The following KIF4A variants were observed in gnomAD, a reference collection of about 807,000 sequenced individuals.
KIF4A encodes kinesin family member 4A.
A neutral mutation model predicts 105.9 loss-of-function variants in KIF4A; 7 were observed. The observed-to-expected ratio is 0.07, with a 90% CI of 0.04 to 0.12. The LOEUF (loss-of-function observed/expected upper bound fraction) is 0.12, where lower values mean the gene tolerates loss of function less well. Among genes scored for constraint, KIF4A ranks in the 10% least tolerant of loss-of-function variants. The pLI, the probability that KIF4A is intolerant of heterozygous loss-of-function variation, is 1.00. For synonymous variants in KIF4A, 281 were observed against 331.3 expected, an observed-to-expected ratio of 0.85 and a Z score of 1.65; for missense variants, 558 against 929.2, an observed-to-expected ratio of 0.60 and a Z score of 5.19.
At chrX:70,365,003 C>A (rs1416924405) in intron 15 of KIF4A, among the ~76,000 whole-genome samples, 3 of 110,854 alleles carry the variant, frequency 2.7e-5, no homozygotes, top group Non-Finnish European at 3.8e-5. Context: ...TCTTTGAAGC[C>A]ATTGTGAATG....
rs2086324049 is a variant in KIF4A, at chrX:70,411,975, G to GAT, written c.3255+4902_3255+4903dup. ...ATGCTGGTGGGTTGCCAGCAGTTGTGATACACACACACACACACACACACA... is the reference window on the plus strand; with the variant it reads ...ATGCTGGTGGGTTGCCAGCAGTTGTGATATACACACACACACACACACACACA... On this transcript the variant is annotated intron_variant, in intron 28 of 30. Coordinates refer to ENST00000374403, the MANE Select transcript of KIF4A (RefSeq NM_012310.5). Among the ~76,000 whole-genome samples, 5 of 109,813 alleles carry GAT rather than the reference G, an allele frequency of 4.6e-5. No individual in the cohort carries two copies. The Admixed American group carries it at 4.9e-4, about 11-fold the overall frequency.
At chrX:70,367,566 T>G (rs1223351404) in intron 15 of KIF4A, among the ~76,000 whole-genome samples, 1 of 112,086 alleles carries the variant, frequency 8.9e-6, no homozygotes, top group Non-Finnish European at 1.9e-5. Context: ...TTTAAGAATG[T>G]TGAATATTGG....
chrX:70,290,842 T>A (rs762812576), intron 3 of KIF4A, 37 bp downstream of exon 3: 2 of 944,181 alleles, frequency 2.1e-6, no homozygotes, highest in South Asian at 4.0e-5. Flanking sequence ...AACATATATA[T>A]TCCTTGAGCA....
At chrX:70,411,162 C>T (rs141954209) in intron 28 of KIF4A, among the ~76,000 whole-genome samples, 3 of 111,458 alleles carry the variant, frequency 2.7e-5, no homozygotes, top group East Asian at 2.8e-4. Context: ...CACGGTGGCT[C>T]ATACCTGTAA....
chrX:70,340,358 G>A (rs2085967706), intron 10 of KIF4A, among the ~76,000 whole-genome samples: 1 of 111,805 alleles, frequency 8.9e-6, no homozygotes, highest in Non-Finnish European at 1.9e-5. Context: ...TTACAATGAA[G>A]AACCTACTTC....
chrX:70,368,677 G>A (rs1379406534), intron 15 of KIF4A, among the ~76,000 whole-genome samples: 2 of 112,199 alleles, frequency 1.8e-5, no homozygotes, highest in Non-Finnish European at 3.8e-5. Flanking sequence ...GTGCCTCCCA[G>A]TTAGGCTACT....
At chrX:70,306,557 G>A (rs751108429) in intron 7 of KIF4A, among the ~76,000 whole-genome samples, 59 of 109,217 alleles carry the variant, frequency 5.4e-4, no homozygotes, top group African/African-American at 1.9e-3. Context: ...TTTATTTTTT[G>A]AGACAATCTC....
intron 15 of KIF4A, chrX:70,361,673 C>G (rs1450786555): frequency 6.6e-6 from 1 of 151,074 alleles, no homozygotes; most frequent in Non-Finnish European, 1.4e-5. Flanking sequence ...AAGACAAGGA[C>G]TGCTGGGACA....
At position 70,299,178 on chromosome X, in the gene KIF4A, A is replaced by G; in HGVS notation, c.492A>G (p.Arg164=). The G allele has an allele frequency of 1.7e-6, 2 of 1,205,701 alleles. No homozygotes were observed. Among genetic ancestry groups the G allele is most frequent in the Non-Finnish European group, 2.2e-6 (2 of 892,362 alleles). ...PSREKAQINI[R]EDPKEGIKIV... ...GTGAGAAAGCTCAAATAAATATACG[A>G]GAGGATCCTAAGGAAGGCATAAAGG... is the stretch of plus-strand genomic sequence containing the variant. The change falls in exon 5 of 31, where the codon CGA becomes CGG. Residue 164 remains arginine (R), a synonymous_variant. Transcript: ENST00000374403.
intron 9 of KIF4A, among the ~76,000 whole-genome samples, chrX:70,333,089 C>T (rs1206108413): frequency 9.1e-6 from 1 of 110,310 alleles, no homozygotes; most frequent in Non-Finnish European, 1.9e-5. Context: ...GTGTAAGCCC[C>T]GCACTTTGGG....
intron 15 of KIF4A, among the ~76,000 whole-genome samples, chrX:70,370,291 C>T (rs1281833745): frequency 9.1e-6 from 1 of 110,399 alleles, no homozygotes; most frequent in Non-Finnish European, 1.9e-5. Context: ...GGAAGGTATG[C>T]ATCAAGCTGA....
chrX:70,419,915 A>G (rs1201519060), intron 30 of KIF4A, 132 bp downstream of exon 30: 6 of 1,022,868 alleles, frequency 5.9e-6, no homozygotes, highest in African/African-American at 1.9e-5. Context: ...GGGATCGGGC[A>G]TAGACTCTAG....
At chrX:70,309,763 G>T (rs1441896387) in intron 7 of KIF4A, among the ~76,000 whole-genome samples, 4 of 112,411 alleles carry the variant, frequency 3.6e-5, no homozygotes, top group Non-Finnish European at 7.5e-5. Context: ...TATACAATTG[G>T]CCTGGCACAG....
Position 70,345,754 on chromosome X carries a change from C to T in KIF4A, c.1431+1772C>T, listed in dbSNP as rs747800195. Among the ~76,000 whole-genome samples the T allele has an allele frequency of 4.5e-5, 5 of 111,397 alleles. No homozygotes were observed. In the South Asian group the frequency reaches 1.2e-3, roughly 26 times the overall value. The stretch of plus-strand genomic sequence containing the variant: ...TATTTTGAGAGTTGTTCTTACAAGC[C>T]TTGTAGTTTCTCAGTTGGTCAAGGT... On this transcript the variant is annotated intron_variant, in intron 13 of 30. Transcript: ENST00000374403.
chrX:70,311,609 C>T (rs1352250225), intron 7 of KIF4A, among the ~76,000 whole-genome samples: 2 of 111,351 alleles, frequency 1.8e-5, no homozygotes, highest in Non-Finnish European at 3.8e-5. Context: ...AAACAAATCA[C>T]GGACATATTG....
intron 15 of KIF4A, among the ~76,000 whole-genome samples, chrX:70,360,251 GTA>G (rs1237610056): frequency 1.8e-5 from 2 of 112,575 alleles, no homozygotes; most frequent in Middle Eastern, 4.6e-3. Flanking sequence ...CCAAAGATGG[GTA>G]GAGAAAAAGT....
chrX:70,397,240 C>G (rs771590442), intron 22 of KIF4A, among the ~76,000 whole-genome samples: 2 of 103,841 alleles, frequency 1.9e-5, no homozygotes, highest in Admixed American at 1.0e-4. Flanking sequence ...CGTGGTGGCA[C>G]GCGCCTGTAG....
chrX:70,315,602 T>C (rs752389087), intron 7 of KIF4A, among the ~76,000 whole-genome samples: 19 of 111,643 alleles, frequency 1.7e-4, no homozygotes, highest in African/African-American at 5.5e-4. Flanking sequence ...GGGACTGAAG[T>C]CTAATGCTGG....
At chrX:70,367,671 G>T (rs1390337052) in intron 15 of KIF4A, among the ~76,000 whole-genome samples, 2 of 111,583 alleles carry the variant, frequency 1.8e-5, no homozygotes, top group African/African-American at 3.3e-5. Context: ...TTTCTCTCTG[G>T]CTGCCCTTAA....
Sources: gnomAD v4.1 joint callset for allele counts (sites outside exome capture counted in the v4.1 genomes callset) on GRCh38, gnomAD v4.1.1 for gene constraint, MANE v1.5 for transcripts, NCBI Gene and HGNC (gene_info 2026-07-23, HGNC 2026-07-21) for gene names.